NRDE2: variants seen among roughly 807,000 people sequenced by gnomAD.
The protein encoded by NRDE2 is NRDE-2, necessary for RNA interference, domain containing.
A neutral mutation model predicts 124.2 loss-of-function variants in NRDE2; 76 were observed. The ratio of observed to expected loss-of-function variants is 0.61; its 90% CI spans 0.51 to 0.74. The LOEUF (loss-of-function observed/expected upper bound fraction) is 0.74, where lower values mean the gene tolerates loss of function less well. Ranked by LOEUF, NRDE2 falls within the 30% of genes least tolerant of loss-of-function variation. The pLI is 0.00. For missense variants in NRDE2, 1,314 were observed against 1,417.3 expected, an observed-to-expected ratio of 0.93 and a Z score of 1.17; for synonymous variants, 489 against 528.1, an observed-to-expected ratio of 0.93 and a Z score of 1.01.
intron 1 of NRDE2, among the ~76,000 whole-genome samples, chr14:90,328,589 T>C (rs933229133): frequency 6.6e-6 from 1 of 152,172 alleles, no homozygotes; most frequent in African/African-American, 2.4e-5. Context: ...AATCTTAACA[T>C]CACTAAAACA....
intron 4 of NRDE2, among the ~76,000 whole-genome samples, chr14:90,305,659 C>T (rs755826152): frequency 6.6e-6 from 1 of 152,124 alleles, no homozygotes; most frequent in Non-Finnish European, 1.5e-5. Context: ...GTGAAAGAAG[C>T]CAGAAGCCAG....
chr14:90,294,885 A>G (rs2139681020), intron 8 of NRDE2, among the ~76,000 whole-genome samples: 1 of 152,346 alleles, frequency 6.6e-6, no homozygotes, highest in Admixed American at 6.5e-5. Flanking sequence ...CCATTTATAT[A>G]ACCTTCATGA....
At position 90,292,713 on chromosome 14, in the gene NRDE2, TCA is replaced by T; in HGVS notation, c.1824_1825del (p.Cys608Ter). 1 of 1,614,022 alleles carries T rather than the reference TCA, an allele frequency of 6.2e-7. No homozygotes were observed. Among genetic ancestry groups the T allele is most frequent in the Non-Finnish European group, 8.5e-7 (1 of 1,179,874 alleles). ...GATACATGCCTGTCTCTCGGGATCC[TCA>T]CAGTCTTCCTCGGTTTGCTTCTTGG... On this transcript the variant is annotated stop_gained and frameshift_variant, in exon 9 of 14. Coordinates refer to ENST00000354366, the MANE Select transcript of NRDE2 (RefSeq NM_017970.4). LOFTEE classifies it high-confidence loss of function.
intron 12 of NRDE2, 66 bp downstream of exon 12, chr14:90,286,288 C>A: frequency 1.3e-6 from 2 of 1,529,446 alleles, no homozygotes; most frequent in South Asian, 2.5e-5. Context: ...TTCATAAATA[C>A]CTTCTCATTT....
Position 90,290,498 on chromosome 14 carries a change from G to C in NRDE2, c.1952C>G (p.Thr651Ser). 1 of 1,614,036 alleles carries C rather than the reference G, an allele frequency of 6.2e-7. No individual in the cohort carries two copies. The highest frequency in any genetic ancestry group is 1.7e-5 in the Admixed American group (1 of 60,022). The change falls in exon 10 of 14, where the codon ACT (threonine) becomes AGT (serine). Residue 651 changes from threonine to serine, a missense_variant. Transcript: ENST00000354366. ...CAGATAAAGACAGGAGGCTGGAGGA[G>C]TAAAGCCAGAAGGCACACCCAAGAA... is the stretch of plus-strand genomic sequence containing the variant. ...LQFLGVPSGF[T>S]PPASCLYLAM...
At position 90,331,924 on chromosome 14, in the gene NRDE2, G is replaced by C. The variant is rs374155683; in HGVS notation, c.-20C>G. 1.9e-6 allele frequency: 3 copies of C among 1,613,840 alleles called. No homozygotes were observed. The highest frequency in any genetic ancestry group is 1.7e-5 in the Admixed American group (1 of 60,004). ...CGCCATGACCACAGGCCGTACCTCCGTTCTTCTCTATAGGGATGGCGCCGG... is the reference window on the plus strand; with the variant it reads ...CGCCATGACCACAGGCCGTACCTCCCTTCTTCTCTATAGGGATGGCGCCGG... On this transcript the variant is annotated 5_prime_UTR_variant, in exon 1 of 14. Coordinates refer to ENST00000354366, the MANE Select transcript of NRDE2 (RefSeq NM_017970.4).
At chr14:90,304,429 A>C in intron 4 of NRDE2, 47 bp from the exon 5 acceptor site, 4 of 1,397,392 alleles carry the variant, frequency 2.9e-6, no homozygotes, top group Non-Finnish European at 3.9e-6. Flanking sequence ...TACGTGTACT[A>C]CCTCTGAATG....
intron 6 of NRDE2, 65 bp from the exon 7 acceptor site, chr14:90,301,437 T>C: frequency 6.6e-7 from 1 of 1,526,196 alleles, no homozygotes; most frequent in Non-Finnish European, 9.0e-7. Context: ...GAACCTAACT[T>C]CTCAAAACAG....
intron 4 of NRDE2, among the ~76,000 whole-genome samples, chr14:90,310,967 C>T (rs1595071605): frequency 6.6e-6 from 1 of 152,194 alleles, no homozygotes; most frequent in East Asian, 1.9e-4. Context: ...TTTCCATTGA[C>T]AGTAGGTAGA....
chr14:90,294,815 T>C (rs1892364205), intron 8 of NRDE2, among the ~76,000 whole-genome samples: 1 of 152,240 alleles, frequency 6.6e-6, no homozygotes, highest in Admixed American at 6.5e-5. Flanking sequence ...TTAAAAATGA[T>C]CAATTTTATA....
chr14:90,289,851 G>T (rs1892221054), intron 10 of NRDE2, among the ~76,000 whole-genome samples: 1 of 152,236 alleles, frequency 6.6e-6, no homozygotes, highest in Non-Finnish European at 1.5e-5. Flanking sequence ...GCCTCCCAAA[G>T]TGCTGGGATT....
chr14:90,292,719 T>G lies in NRDE2; in HGVS notation c.1820A>C (p.Asp607Ala), dbSNP rs1892304448. 1 of 1,613,996 alleles carries G rather than the reference T, an allele frequency of 6.2e-7. No homozygotes were observed. The highest frequency in any genetic ancestry group is 1.7e-5 in the Admixed American group (1 of 60,004). Reference protein sequence around the residue: ...PDKTKKQTEEDCEDPERQVLF... With the variant: ...PDKTKKQTEEACEDPERQVLF... ...TGCCTGTCTCTCGGGATCCTCACAG[T>G]CTTCCTCGGTTTGCTTCTTGGTCTT... Residue 607 changes from aspartate to alanine, a missense_variant, in exon 9 of 14, where the codon GAC becomes GCC. Coordinates refer to ENST00000354366, the MANE Select transcript of NRDE2 (RefSeq NM_017970.4).
intron 4 of NRDE2, among the ~76,000 whole-genome samples, chr14:90,309,538 G>GC (rs1427049433): frequency 1.3e-5 from 2 of 148,784 alleles, no homozygotes; most frequent in Non-Finnish European, 3.0e-5. Flanking sequence ...ATCAAATCAC[G>GC]CCTCAATGCA....
Position 90,287,033 on chromosome 14 carries a change from C to CAAAAAA in NRDE2, c.3159-547_3159-542dup, listed in dbSNP as rs60863011. Among the ~76,000 whole-genome samples, 87 of 23,734 alleles carry CAAAAAA rather than the reference C, an allele frequency of 3.7e-3. 1 individual carries two copies. Among genetic ancestry groups the CAAAAAA allele is most frequent in the East Asian group, 7.4e-3 (4 of 540 alleles). 15.6% of individuals were successfully genotyped at this position (23,734 alleles called of 152,430 possible). On this transcript the variant is annotated intron_variant, in intron 11 of 13. Coordinates refer to ENST00000354366, the MANE Select transcript of NRDE2 (RefSeq NM_017970.4). ...TGGGCAACAGAGTGAGACTCCGTCT[C>CAAAAAA]AAAAAAAAAAAAAAAAAAAAAAAAA... is the stretch of plus-strand genomic sequence containing the variant.
chr14:90,300,409 G>C (rs959731419), intron 7 of NRDE2, among the ~76,000 whole-genome samples: 1 of 152,078 alleles, frequency 6.6e-6, no homozygotes, highest in South Asian at 2.1e-4. Flanking sequence ...ACATGACGGA[G>C]GCCTTGGCCT....
chr14:90,312,651 GGC>G lies in NRDE2; in HGVS notation c.408-110_408-109del. ...GAGTTAAACACTTCAAACTCCACAT[GGC>G]ATCAAACACACCTAAGCACATTAAA... On this transcript the variant is annotated intron_variant, in intron 3 of 13. Transcript: ENST00000354366. The G allele has an allele frequency of 2.0e-6, 2 of 1,010,488 alleles. 1 individual carries two copies. The highest frequency in any genetic ancestry group is 2.7e-5 in the South Asian group (2 of 73,238). 62.6% of individuals were successfully genotyped at this position (1,010,488 alleles called of 1,614,324 possible).
chr14:90,291,287 T>G (rs1488006963), intron 9 of NRDE2, among the ~76,000 whole-genome samples: 1 of 152,186 alleles, frequency 6.6e-6, no homozygotes, highest in Non-Finnish European at 1.5e-5. Flanking sequence ...TTTGTGGCTC[T>G]CAGCAAAGCG....
Position 90,288,274 on chromosome 14 carries a change from C to G in NRDE2, c.3101G>C (p.Trp1034Ser). 1 of 1,614,158 alleles carries G rather than the reference C, an allele frequency of 6.2e-7. No homozygotes were observed. The highest frequency in any genetic ancestry group is 8.5e-7 in the Non-Finnish European group (1 of 1,180,032). The stretch of plus-strand genomic sequence containing the variant: ...TTTCTCAGCTTCAATTGCAAACAAC[C>G]AAGGCTCCAAGGGTTTGGCAGACCT... ...ITRSAKPLEPWLFAIEAEKLR... is the reference protein window; with the variant it reads ...ITRSAKPLEPSLFAIEAEKLR... The change falls in exon 11 of 14, where the codon TGG becomes TCG. Residue 1034 changes from tryptophan (W) to serine (S), a missense_variant. By Grantham distance (177) the Trp-to-Ser change is radical. Coordinates refer to ENST00000354366, the MANE Select transcript of NRDE2 (RefSeq NM_017970.4).
intron 6 of NRDE2, 111 bp from the exon 7 acceptor site, chr14:90,301,483 T>A: frequency 1.1e-6 from 1 of 916,592 alleles, no homozygotes; most frequent in Non-Finnish European, 1.7e-6. Context: ...TCACCTGCAA[T>A]CACTATTAAT....
Sources: allele counts gnomAD v4.1 joint callset (sites outside exome capture counted in the v4.1 genomes callset), GRCh38; gene constraint gnomAD v4.1.1; transcripts MANE v1.5; gene names NCBI Gene and HGNC (gene_info 2026-07-23, HGNC 2026-07-21).